Variants in ERC2 observed in about 807,000 individuals in gnomAD.
ERC2 encodes the protein ERC protein 2.
In ERC2, 42 loss-of-function variants were observed where a neutral mutation model predicts 114.8. That is an observed-to-expected ratio of 0.37 (90% CI 0.29 to 0.47). The LOEUF is 0.47. ERC2 is among the 20% of genes least tolerant of loss of function. The pLI, the probability that ERC2 is intolerant of heterozygous loss-of-function variation, is 0.99. For missense variants in ERC2, 939 were observed against 1,150.7 expected (o/e 0.82, Z 2.66); for synonymous variants, 454 against 425.5 (o/e 1.07, Z -0.82).
At chr3:55,571,108 C>T (rs540513131) in intron 17 of ERC2, among the ~76,000 whole-genome samples, 1 of 115,702 alleles carries the variant, frequency 8.6e-6, no homozygotes, top group African/African-American at 3.2e-5. Context: ...AGCCTGGCAA[C>T]AGAGCGAGAC....
chr3:56,026,301 C>T (rs1163360215), intron 7 of ERC2, among the ~76,000 whole-genome samples: 1 of 152,074 alleles, frequency 6.6e-6, no homozygotes, highest in Non-Finnish European at 1.5e-5. Flanking sequence ...CTGCCTGCCT[C>T]GGCCTCCCAA....
intron 3 of ERC2, among the ~76,000 whole-genome samples, chr3:56,175,741 G>A (rs1199789793): frequency 6.6e-6 from 1 of 152,026 alleles, no homozygotes; most frequent in African/African-American, 2.4e-5. Flanking sequence ...CCCATTGTAT[G>A]GTATTTTCTA....
chr3:55,820,923 T>G (rs2060097909), intron 14 of ERC2, among the ~76,000 whole-genome samples: 1 of 152,164 alleles, frequency 6.6e-6, no homozygotes. Flanking sequence ...TTAGCCCCAG[T>G]GTCAGGCTAA....
rs773890610 is a variant in ERC2 at position 55,950,517 on chromosome 3, T to G, written c.2311A>C (p.Asn771His). ...QNKKVANLKH[N>H]QQLEKKKNAQ... The stretch of plus-strand genomic sequence containing the variant: ...TTTTTCTTCTTTTCCAACTGTTGAT[T>G]GTGCTTGAGGTTGGCCACCTTCTTA... Residue 771 changes from asparagine to histidine, a missense_variant, in exon 13 of 18, where the codon AAT becomes CAT. Asn to His is a moderately conservative substitution (Grantham distance 68). This residue lies in a region of ERC2 where 328 missense variants were observed against 353.9 expected (regional missense o/e 0.93). Transcript: ENST00000288221. 1.9e-6 allele frequency: 3 copies of G among 1,614,056 alleles called. No individual in the cohort carries two copies. The South Asian group carries it at 3.3e-5, about 18-fold the overall frequency.
intron 5 of ERC2, among the ~76,000 whole-genome samples, chr3:56,148,296 T>C (rs1205216323): frequency 1.3e-5 from 2 of 152,206 alleles, no homozygotes; most frequent in African/African-American, 2.4e-5. Flanking sequence ...TAATAACTTT[T>C]TTTTTTTGAG....
At chr3:56,320,544 G>A (rs1159850145) in intron 2 of ERC2, among the ~76,000 whole-genome samples, 1 of 152,192 alleles carries the variant, frequency 6.6e-6, no homozygotes, top group Non-Finnish European at 1.5e-5. Context: ...CATAGTGGGA[G>A]TATTAAACCA....
intron 14 of ERC2, among the ~76,000 whole-genome samples, chr3:55,872,690 A>C (rs72879142): frequency 1.7e-3 from 255 of 152,316 alleles, no homozygotes; most frequent in African/African-American, 5.9e-3. Context: ...AGTGTCCAGG[A>C]TATACCACCA....
chr3:55,844,417 A>T (rs993225913), intron 14 of ERC2, among the ~76,000 whole-genome samples: 1 of 152,262 alleles, frequency 6.6e-6, no homozygotes, highest in African/African-American at 2.4e-5. Flanking sequence ...TCTCACAAAC[A>T]TAATGTGTAA....
chr3:56,407,791 T>G (rs967172512), intron 2 of ERC2, among the ~76,000 whole-genome samples: 7 of 152,142 alleles, frequency 4.6e-5, no homozygotes, highest in Admixed American at 2.6e-4. Context: ...GGGACCCCCC[T>G]GGAACACGAC....
At chr3:55,680,491 A>G (rs2062006539) in intron 17 of ERC2, among the ~76,000 whole-genome samples, 1 of 152,244 alleles carries the variant, frequency 6.6e-6, no homozygotes, top group Non-Finnish European at 1.5e-5. Context: ...TGCTGACACA[A>G]ATGATACCTA....
At chr3:56,346,881 C>T (rs758350167) in intron 2 of ERC2, among the ~76,000 whole-genome samples, 3 of 152,116 alleles carry the variant, frequency 2.0e-5, no homozygotes, top group Non-Finnish European at 2.9e-5. Context: ...GGGGAGAGCA[C>T]GAGATGGAGT....
intron 7 of ERC2, among the ~76,000 whole-genome samples, chr3:56,076,107 C>T (rs1235260716): frequency 2.0e-5 from 3 of 152,128 alleles, no homozygotes; most frequent in Non-Finnish European, 4.4e-5. Flanking sequence ...CTTTTCCAAC[C>T]CACAGGGCAA....
chr3:56,100,468 C>T (rs1292094582), intron 6 of ERC2, among the ~76,000 whole-genome samples: 1 of 152,168 alleles, frequency 6.6e-6, no homozygotes, highest in African/African-American at 2.4e-5. Flanking sequence ...TGATAGCTTA[C>T]GTGACTTCAC....
intron 7 of ERC2, among the ~76,000 whole-genome samples, chr3:56,052,785 G>A (rs529022182): frequency 2.0e-5 from 3 of 152,178 alleles, no homozygotes; most frequent in East Asian, 1.9e-4. Context: ...GCTTAGGGAA[G>A]TATGAACCAC....
chr3:55,884,268 T>C (rs963285062), intron 14 of ERC2, among the ~76,000 whole-genome samples: 1 of 152,234 alleles, frequency 6.6e-6, no homozygotes, highest in African/African-American at 2.4e-5. Context: ...TGCAATCCTA[T>C]GTTTGCAACA....
At chr3:55,903,174 T>C (rs1383735496) in intron 13 of ERC2, among the ~76,000 whole-genome samples, 1 of 152,224 alleles carries the variant, frequency 6.6e-6, no homozygotes, top group African/African-American at 2.4e-5. Flanking sequence ...ATCTATGTTT[T>C]CCCCAAAAGA....
chr3:55,548,978 T>A (rs1420587078), intron 17 of ERC2, among the ~76,000 whole-genome samples: 1 of 152,198 alleles, frequency 6.6e-6, no homozygotes, highest in African/African-American at 2.4e-5. Flanking sequence ...AATTCCTACA[T>A]CTTGGCAACA....
intron 1 of ERC2, among the ~76,000 whole-genome samples, chr3:56,446,571 A>ACAAGGAAGT (rs1194590276): frequency 6.6e-6 from 1 of 151,664 alleles, no homozygotes; most frequent in African/African-American, 2.4e-5. Flanking sequence ...TGGAACTAAA[A>ACAAGGAAGT]CAAGGAAGTC....
chr3:55,604,388 G>A (rs1338552212), intron 17 of ERC2, among the ~76,000 whole-genome samples: 2 of 152,154 alleles, frequency 1.3e-5, no homozygotes, highest in African/African-American at 4.8e-5. Flanking sequence ...CCAGTGGAGA[G>A]AGTAGCTTAG....
Sources: allele counts gnomAD v4.1 joint callset (sites outside exome capture counted in the v4.1 genomes callset), GRCh38; gene constraint gnomAD v4.1.1; regional missense constraint gnomAD v4.1.1; transcripts MANE v1.5; gene names NCBI Gene and HGNC (gene_info 2026-07-23, HGNC 2026-07-21).